The following RARRES1 variants were observed in gnomAD, a reference collection of about 807,000 sequenced individuals.
RARRES1 encodes the protein retinoic acid receptor responder protein 1.
Under a neutral mutation model 30.6 loss-of-function variants are expected in RARRES1, and 34 were observed. The observed-to-expected ratio is 1.11, with a 90% CI of 0.84 to 1.48. RARRES1 has a LOEUF of 1.48. Ranked by LOEUF, RARRES1 falls within the 40% of genes most tolerant of loss-of-function variation. The pLI, the probability that RARRES1 is intolerant of heterozygous loss-of-function variation, is 0.00. For missense variants in RARRES1, 373 were observed against 386.5 expected, an observed-to-expected ratio of 0.97 and a Z score of 0.29; for synonymous variants, 153 against 155.5, an observed-to-expected ratio of 0.98 and a Z score of 0.12.
intron 3 of RARRES1, among the ~76,000 whole-genome samples, chr3:158,707,111 G>C (rs1419286309): frequency 6.6e-6 from 1 of 152,170 alleles, no homozygotes; most frequent in African/African-American, 2.4e-5. Flanking sequence ...AGACGTTGCA[G>C]TGAACCAAGA....
intron 4 of RARRES1, among the ~76,000 whole-genome samples, chr3:158,704,007 C>G (rs1221660949): frequency 6.6e-6 from 1 of 152,008 alleles, no homozygotes; most frequent in African/African-American, 2.4e-5. Flanking sequence ...TATAAGCTTC[C>G]CCAATCGGTA....
chr3:158,711,013 ATT>A, intron 2 of RARRES1, 80 bp from the exon 3 acceptor site: 1 of 1,344,290 alleles, frequency 7.4e-7, no homozygotes, highest in Non-Finnish European at 1.0e-6. Flanking sequence ...AGAAGAGTTC[ATT>A]GTACAAGGCA....
intron 5 of RARRES1, 37 bp downstream of exon 5, chr3:158,697,871 T>C (rs201495045): frequency 2.2e-5 from 34 of 1,574,240 alleles, no homozygotes; most frequent in Admixed American, 5.1e-5. Flanking sequence ...CAAAAACTTA[T>C]GGTAAAAACA....
chr3:158,719,356 C>T (rs1181543131), intron 1 of RARRES1, among the ~76,000 whole-genome samples: 1 of 151,378 alleles, frequency 6.6e-6, no homozygotes, highest in Admixed American at 6.6e-5. Flanking sequence ...ACTGCACCCT[C>T]CACCTCCCGG....
chr3:158,705,320 T>TCTCTCAGATTTCAGTCTCCTTCTTCCAA (rs1429998581), intron 3 of RARRES1, among the ~76,000 whole-genome samples: 2 of 152,168 alleles, frequency 1.3e-5, no homozygotes, highest in Non-Finnish European at 2.9e-5. Context: ...TGCTACCAAA[T>TCTCTCAGATTTCAGTCTCCTTCTTCCAA]CTCTCAGATT....
intron 4 of RARRES1, 54 bp downstream of exon 4, chr3:158,704,737 G>A: frequency 1.3e-6 from 2 of 1,591,512 alleles, no homozygotes; most frequent in Non-Finnish European, 1.7e-6. Flanking sequence ...AGTCTAAGGA[G>A]ACCACTTTGA....
At chr3:158,699,585 G>A (rs540320038) in intron 4 of RARRES1, among the ~76,000 whole-genome samples, 3 of 151,754 alleles carry the variant, frequency 2.0e-5, no homozygotes, top group Non-Finnish European at 3.0e-5. Context: ...TCTTTGCCTC[G>A]CTGAAGACTG....
At chr3:158,726,777 CT>C (rs1190832052) in intron 1 of RARRES1, among the ~76,000 whole-genome samples, 7 of 152,202 alleles carry the variant, frequency 4.6e-5, no homozygotes, top group Admixed American at 4.6e-4. Flanking sequence ...GGTGTGTTTT[CT>C]TGCTAGAAAG....
At chr3:158,726,978 C>T (rs1727713408) in intron 1 of RARRES1, among the ~76,000 whole-genome samples, 2 of 152,150 alleles carry the variant, frequency 1.3e-5, no homozygotes, top group South Asian at 2.1e-4. Flanking sequence ...GAGGGTGTGG[C>T]AGCTCCCCAC....
chr3:158,699,434 A>AACCC (rs1726650999), intron 4 of RARRES1, among the ~76,000 whole-genome samples: 1 of 137,766 alleles, frequency 7.3e-6, no homozygotes, highest in African/African-American at 2.8e-5. Context: ...CAAAAAAGCA[A>AACCC]CCCCCCCCCC....
At chr3:158,730,918 G>C (rs1219102683) in intron 1 of RARRES1, among the ~76,000 whole-genome samples, 1 of 152,136 alleles carries the variant, frequency 6.6e-6, no homozygotes, top group African/African-American at 2.4e-5. Context: ...CAAGTAGCTG[G>C]GATTACAGGC....
At chr3:158,719,191 T>G (rs922964999) in intron 1 of RARRES1, among the ~76,000 whole-genome samples, 2 of 152,116 alleles carry the variant, frequency 1.3e-5, no homozygotes, top group African/African-American at 4.8e-5. Context: ...AAAAATTATG[T>G]ATAAAAGACT....
intron 1 of RARRES1, among the ~76,000 whole-genome samples, chr3:158,718,506 GCAAT>G (rs1404475416): frequency 6.6e-6 from 1 of 152,206 alleles, no homozygotes; most frequent in Non-Finnish European, 1.5e-5. Context: ...TAGTAGACTG[GCAAT>G]CAAGAAAGTG....
chr3:158,719,214 C>T (rs73156502), intron 1 of RARRES1, among the ~76,000 whole-genome samples: 1,816 of 151,888 alleles, frequency 0.012, 23 homozygotes, highest in Non-Finnish European at 0.02. Context: ...TGTACTACAG[C>T]CTGGAACTAA....
chr3:158,717,752 A>T (rs908781670), intron 1 of RARRES1, among the ~76,000 whole-genome samples: 2 of 152,088 alleles, frequency 1.3e-5, no homozygotes, highest in Non-Finnish European at 2.9e-5. Flanking sequence ...GGGGGCGGGG[A>T]GAGGGAGCAG....
chr3:158,702,647 T>A (rs1030931014), intron 4 of RARRES1, among the ~76,000 whole-genome samples: 4 of 152,234 alleles, frequency 2.6e-5, no homozygotes, highest in Non-Finnish European at 5.9e-5. Flanking sequence ...CACCATTTTC[T>A]ACGCTTAAAA....
chr3:158,714,518 A>G (rs537728090), intron 1 of RARRES1, among the ~76,000 whole-genome samples: 1 of 152,338 alleles, frequency 6.6e-6, no homozygotes, highest in East Asian at 1.9e-4. Flanking sequence ...TGAATCACCA[A>G]CACTGAAGAA....
Position 158,702,001 on chromosome 3 carries a change from T to A in RARRES1, c.672+2790A>T, listed in dbSNP as rs1726742680. Among the ~76,000 whole-genome samples the A allele has an allele frequency of 2.6e-5, 4 of 152,118 alleles. No homozygotes were observed. The South Asian group carries it at 8.3e-4, about 32-fold the overall frequency. On this transcript the variant is annotated intron_variant, in intron 4 of 5. Transcript: ENST00000237696. ...AAAAAAATCTAAAACTCTTAGTCAA[T>A]GACCATTCTCCCTCTGCATTTGTTT...
intron 1 of RARRES1, among the ~76,000 whole-genome samples, chr3:158,731,837 G>C (rs1382454308): frequency 6.6e-6 from 1 of 152,234 alleles, no homozygotes; most frequent in Admixed American, 6.5e-5. Flanking sequence ...ATTTCCCAAA[G>C]CATCTCTTTC....
Sources: allele counts gnomAD v4.1 joint callset (sites outside exome capture counted in the v4.1 genomes callset), GRCh38; gene constraint gnomAD v4.1.1; transcripts MANE v1.5; gene names NCBI Gene and HGNC (gene_info 2026-07-23, HGNC 2026-07-21).